The following SEMA5A variants were observed in gnomAD, a reference collection of about 807,000 sequenced individuals.
The protein encoded by SEMA5A is semaphorin-5A.
SEMA5A carries 55 observed loss-of-function variants against 135.5 expected under a neutral mutation model. The observed-to-expected ratio is 0.41, with a 90% confidence interval of 0.33 to 0.51. The LOEUF (loss-of-function observed/expected upper bound fraction) is 0.51, where lower values mean the gene tolerates loss of function less well. SEMA5A is among the 20% of genes least tolerant of loss of function. The probability of loss-of-function intolerance (pLI) is 0.37; values close to 1 mark genes in which losing one functional copy is unlikely to be tolerated. For missense variants in SEMA5A, 1,290 were observed against 1,419.9 expected (o/e 0.91, Z 1.47); for synonymous variants, 580 against 546.5 (o/e 1.06, Z -0.85).
At chr5:9,353,102 GA>G (rs1472944599) in intron 3 of SEMA5A, among the ~76,000 whole-genome samples, 40 of 26,818 alleles carry the variant, frequency 1.5e-3, no homozygotes, top group South Asian at 2.7e-3. Context: ...AGGAAGGAAG[GA>G]AAGGAAAGGA....
intron 3 of SEMA5A, among the ~76,000 whole-genome samples, chr5:9,376,467 C>A (rs1239969915): frequency 6.6e-6 from 1 of 152,178 alleles, no homozygotes. Flanking sequence ...CTTTTTCAAC[C>A]ACCGTCCTAC....
intron 2 of SEMA5A, among the ~76,000 whole-genome samples, chr5:9,386,105 G>A (rs1443047526): frequency 1.3e-5 from 2 of 152,068 alleles, no homozygotes; most frequent in Non-Finnish European, 2.9e-5. Context: ...CAGCTGGAAC[G>A]TGCTTTTCAA....
At chr5:9,325,525 T>TC (rs1173434964) in intron 4 of SEMA5A, among the ~76,000 whole-genome samples, 3 of 151,358 alleles carry the variant, frequency 2.0e-5, no homozygotes, top group Non-Finnish European at 4.4e-5. Flanking sequence ...TCCCATCACT[T>TC]CCCCCAGTGG....
At chr5:9,135,579 C>T (rs555760261) in intron 13 of SEMA5A, among the ~76,000 whole-genome samples, 10 of 152,156 alleles carry the variant, frequency 6.6e-5, no homozygotes, top group Admixed American at 4.6e-4. Context: ...CTGACTGTTG[C>T]AACGCCTTCG....
chr5:9,210,591 A>G (rs776014334), intron 8 of SEMA5A, among the ~76,000 whole-genome samples: 33 of 152,246 alleles, frequency 2.2e-4, no homozygotes, highest in Non-Finnish European at 3.8e-4. Context: ...TAACGCTGGT[A>G]TTTCCTAAAG....
Position 9,265,487 on chromosome 5 carries a change from T to C in SEMA5A, c.271-27597A>G, listed in dbSNP as rs951904453. On this transcript the variant is annotated intron_variant, in intron 5 of 22. Coordinates refer to ENST00000382496, the MANE Select transcript of SEMA5A (RefSeq NM_003966.3). ...ACAGCCCTGTGATGTTCAACTCTTC[T>C]GCCGCGGGACTCCCATGTGGCTTTG... The C allele has an allele frequency of 1.3e-5, 6 of 456,436 alleles. No homozygotes were observed. The East Asian group carries it at 2.8e-4, about 21-fold the overall frequency. 28.3% of individuals were successfully genotyped at this position (456,436 alleles called of 1,614,324 possible). A position where few individuals can be genotyped will look rare whatever the true frequency, so the allele number is the denominator to read the frequency against.
intron 16 of SEMA5A, among the ~76,000 whole-genome samples, chr5:9,080,610 T>C (rs1738325733): frequency 1.3e-5 from 2 of 151,798 alleles, no homozygotes; most frequent in Non-Finnish European, 2.9e-5. Flanking sequence ...ACTCAATTGG[T>C]AAAACTACTA....
intron 1 of SEMA5A, among the ~76,000 whole-genome samples, chr5:9,466,429 C>T (rs901399539): frequency 2.7e-5 from 4 of 149,340 alleles, no homozygotes; most frequent in Admixed American, 6.7e-5. Flanking sequence ...AGGAATCATG[C>T]CTCACACTAT....
chr5:9,133,161 C>G (rs1476080612), intron 13 of SEMA5A, among the ~76,000 whole-genome samples: 1 of 152,116 alleles, frequency 6.6e-6, no homozygotes, highest in Non-Finnish European at 1.5e-5. Context: ...TGTTCCATTT[C>G]AGTTAAAAAA....
At chr5:9,473,005 A>G (rs1759532395) in intron 1 of SEMA5A, among the ~76,000 whole-genome samples, 1 of 149,912 alleles carries the variant, frequency 6.7e-6, no homozygotes, top group African/African-American at 2.4e-5. Flanking sequence ...TCATTTCATC[A>G]TTTCCTTACC....
intron 5 of SEMA5A, among the ~76,000 whole-genome samples, chr5:9,302,067 T>C (rs1751635282): frequency 6.6e-6 from 1 of 152,082 alleles, no homozygotes; most frequent in East Asian, 1.9e-4. Flanking sequence ...CTCTCTCAAA[T>C]CCATCTTCAC....
intron 3 of SEMA5A, among the ~76,000 whole-genome samples, chr5:9,342,729 G>A (rs1753704472): frequency 6.6e-6 from 1 of 152,148 alleles, no homozygotes; most frequent in South Asian, 2.1e-4. Context: ...AATAGCTAAT[G>A]TTTAAATAGT....
At chr5:9,275,637 C>T (rs1750220966) in intron 5 of SEMA5A, among the ~76,000 whole-genome samples, 1 of 152,190 alleles carries the variant, frequency 6.6e-6, no homozygotes, top group Admixed American at 6.5e-5. Flanking sequence ...TTGTCCACCA[C>T]AATCAAGTCA....
At chr5:9,512,436 T>C (rs1338183043) in intron 1 of SEMA5A, among the ~76,000 whole-genome samples, 2 of 152,228 alleles carry the variant, frequency 1.3e-5, no homozygotes, top group Non-Finnish European at 2.9e-5. Flanking sequence ...TAGCAGGGAC[T>C]TGTCTAAAGT....
chr5:9,163,305 C>T (rs1743399978), intron 11 of SEMA5A, among the ~76,000 whole-genome samples: 1 of 151,562 alleles, frequency 6.6e-6, no homozygotes, highest in Admixed American at 6.6e-5. Flanking sequence ...TTTGTTTAAA[C>T]ATTAAAATTG....
At chr5:9,203,732 A>G (rs919347071) in intron 8 of SEMA5A, among the ~76,000 whole-genome samples, 2 of 152,218 alleles carry the variant, frequency 1.3e-5, no homozygotes, top group Admixed American at 6.5e-5. Flanking sequence ...TCATTGAAGT[A>G]TATCAAGTAA....
chr5:9,110,282 C>T (rs1368492560), intron 15 of SEMA5A, among the ~76,000 whole-genome samples: 1 of 152,110 alleles, frequency 6.6e-6, no homozygotes, highest in Non-Finnish European at 1.5e-5. Context: ...GACTCATCTC[C>T]AGGAGTTGGT....
At chr5:9,117,379 G>A (rs987664803) in intron 15 of SEMA5A, among the ~76,000 whole-genome samples, 2 of 152,130 alleles carry the variant, frequency 1.3e-5, no homozygotes, top group Non-Finnish European at 2.9e-5. Flanking sequence ...TACAGGTTGA[G>A]CATCCCTTAG....
intron 4 of SEMA5A, among the ~76,000 whole-genome samples, chr5:9,321,836 T>C (rs73742639): frequency 0.016 from 2,492 of 152,332 alleles, 63 homozygotes; most frequent in African/African-American, 0.057. Context: ...GTTCATTCTT[T>C]CTTGCTTACT....
Sources: allele counts gnomAD v4.1 joint callset (sites outside exome capture counted in the v4.1 genomes callset), GRCh38; gene constraint gnomAD v4.1.1; transcripts MANE v1.5; gene names NCBI Gene and HGNC (gene_info 2026-07-23, HGNC 2026-07-21).